The following TBCK variants were observed in gnomAD, a reference collection of about 807,000 sequenced individuals.
TBCK encodes TBC domain-containing protein kinase-like protein.
TBCK carries 99 observed loss-of-function variants against 113.4 expected under a neutral mutation model. That is an observed-to-expected ratio of 0.87 (90% confidence interval 0.74 to 1.03). TBCK has a LOEUF of 1.03. Among genes scored for constraint, TBCK ranks in the 50% least tolerant of loss-of-function variants. TBCK has a pLI of 0.00. For synonymous variants in TBCK, 369 were observed against 370.8 expected, an observed-to-expected ratio of 1.00 and a Z score of 0.05; for missense variants, 1,045 against 1,061.3, an observed-to-expected ratio of 0.98 and a Z score of 0.21.
chr4:106,229,358 T>C lies in TBCK; in HGVS notation c.1774+1005A>G, dbSNP rs542302363. ...GGAGAGCTTCCCCAGTGTTTTCTTA[T>C]AGTAGTTTCATAATTTGAGGTCTTA... On this transcript the variant is annotated intron_variant, in intron 19 of 25. Transcript: ENST00000394708. Among the ~76,000 whole-genome samples the C allele has an allele frequency of 1.2e-3, 178 of 152,216 alleles. 2 individuals are homozygous for C. Among genetic ancestry groups the C allele is most frequent in the African/African-American group, 3.9e-3 (164 of 41,582 alleles).
In TBCK at chr4:106,137,823, C is replaced by T. The variant is rs1283147620; in HGVS notation, c.2236-21445G>A. Among the ~76,000 whole-genome samples, 19 of 139,628 alleles carry T rather than the reference C, an allele frequency of 1.4e-4. 2 individuals are homozygous for T. Among genetic ancestry groups the T allele is most frequent in the South Asian group, 4.9e-4 (2 of 4,056 alleles). The allele number at this position is 139,628 out of a possible 152,430, so 91.6% of individuals were successfully genotyped here. On this transcript the variant is annotated intron_variant, in intron 23 of 25. Coordinates refer to ENST00000394708, the MANE Select transcript of TBCK (RefSeq NM_001163435.3). ...AGTGATTAGAGACTTTATGCTAAAACGTTCACAGATGTACTCTGGAAAAAT... is the reference window on the plus strand; with the variant it reads ...AGTGATTAGAGACTTTATGCTAAAATGTTCACAGATGTACTCTGGAAAAAT...
chr4:106,303,339 T>C (rs1182089847), intron 2 of TBCK, among the ~76,000 whole-genome samples: 4 of 152,186 alleles, frequency 2.6e-5, no homozygotes, highest in Admixed American at 2.0e-4. Flanking sequence ...AGCCCTTTTT[T>C]CTTTTTTTTC....
At chr4:106,246,270 G>A (rs946160855) in intron 10 of TBCK, among the ~76,000 whole-genome samples, 1 of 152,078 alleles carries the variant, frequency 6.6e-6, no homozygotes, top group African/African-American at 2.4e-5. Flanking sequence ...GATACAGTAT[G>A]TGACACATAC....
intron 23 of TBCK, among the ~76,000 whole-genome samples, chr4:106,117,109 T>C (rs754877047): frequency 2.6e-5 from 4 of 152,100 alleles, no homozygotes; most frequent in Non-Finnish European, 4.4e-5. Flanking sequence ...TTTACACTTA[T>C]AGGAAAGCAT....
intron 5 of TBCK, among the ~76,000 whole-genome samples, chr4:106,255,760 C>A (rs1472567655): frequency 6.6e-6 from 1 of 152,152 alleles, no homozygotes; most frequent in Non-Finnish European, 1.5e-5. Context: ...TTAGCTCTGA[C>A]ATTTGGCAGG....
intron 22 of TBCK, among the ~76,000 whole-genome samples, chr4:106,179,021 G>A (rs1404544410): frequency 2.0e-5 from 3 of 151,872 alleles, no homozygotes; most frequent in Non-Finnish European, 2.9e-5. Flanking sequence ...ACTTGTTAGT[G>A]TATAGTTGTT....
Position 106,045,683 on chromosome 4 carries a change from CTCCT to C in TBCK, c.*883_*886del, listed in dbSNP as rs1734157362. ...TTTCCTTTCTTTTCTTCTTTCCTCCCTCCTTCTTTTGTTCCTTCTTTTCTCTTCA... is the reference window on the plus strand; with the variant it reads ...TTTCCTTTCTTTTCTTCTTTCCTCCCTCTTTTGTTCCTTCTTTTCTCTTCA... On this transcript the variant is annotated 3_prime_UTR_variant, in exon 26 of 26. Transcript: ENST00000394708. The C allele has an allele frequency of 6.6e-6, 1 of 152,128 alleles. No homozygotes were observed. The highest frequency in any genetic ancestry group is 2.4e-5 in the African/African-American group (1 of 41,386). 9.4% of individuals were successfully genotyped at this position (152,128 alleles called of 1,614,324 possible).
chr4:106,178,885 C>CT (rs1205748477), intron 22 of TBCK, among the ~76,000 whole-genome samples: 1 of 151,712 alleles, frequency 6.6e-6, no homozygotes, highest in Non-Finnish European at 1.5e-5. Flanking sequence ...TGATGGGAGA[C>CT]TTTTTTATTA....
In TBCK at chr4:106,042,195, G is replaced by C. The variant is rs529860527; in HGVS notation, c.*4375C>G. The C allele has an allele frequency of 6.6e-6, 1 of 152,154 alleles. No homozygotes were observed. The highest frequency in any genetic ancestry group is 2.4e-5 in the African/African-American group (1 of 41,418). The allele number at this position is 152,154 out of a possible 1,614,324, so 9.4% of individuals were successfully genotyped here. A position where few individuals can be genotyped will look rare whatever the true frequency, so the allele number is the denominator to read the frequency against. ...TTAATCAACATTTATCAAGAAAAAT[G>C]CATTATTTGGTTAATAACAGCTATA... is the stretch of plus-strand genomic sequence containing the variant. On this transcript the variant is annotated 3_prime_UTR_variant, in exon 26 of 26. Transcript: ENST00000394708.
intron 19 of TBCK, 152 bp from the exon 20 acceptor site, chr4:106,212,987 A>C (rs1266175587): frequency 1.7e-6 from 1 of 579,050 alleles, no homozygotes; most frequent in Non-Finnish European, 3.1e-6. Context: ...TATTTTAATT[A>C]CTTACTGCTA....
chr4:106,153,194 A>T (rs1332071334), intron 23 of TBCK, among the ~76,000 whole-genome samples: 1 of 151,938 alleles, frequency 6.6e-6, no homozygotes, highest in Non-Finnish European at 1.5e-5. Context: ...TGATGTAGGC[A>T]CTTATAGCTA....
In TBCK at chr4:106,067,334, G is replaced by A. The variant is rs141534732; in HGVS notation, c.2572-20654C>T. ...CCATTTCTTAATATCGTTGTCTGTT[G>A]TTGAGCTGTAGGAGTTGTTAGTGAA... On this transcript the variant is annotated intron_variant, in intron 25 of 25. Transcript: ENST00000394708. Among the ~76,000 whole-genome samples, 230 of 152,152 alleles carry A rather than the reference G, an allele frequency of 1.5e-3. 1 individual carries two copies. The highest frequency in any genetic ancestry group is 5.4e-3 in the African/African-American group (224 of 41,512).
At chr4:106,079,674 G>A (rs1273143909) in intron 25 of TBCK, among the ~76,000 whole-genome samples, 1 of 152,080 alleles carries the variant, frequency 6.6e-6, no homozygotes, top group Non-Finnish European at 1.5e-5. Context: ...TAAACAAATG[G>A]AAAAATGTTC....
At chr4:106,107,510 A>G (rs1353450121) in intron 24 of TBCK, among the ~76,000 whole-genome samples, 1 of 152,232 alleles carries the variant, frequency 6.6e-6, no homozygotes, top group East Asian at 1.9e-4. Flanking sequence ...ATTACATAGA[A>G]ATTAAACAAC....
At chr4:106,136,226 A>G (rs112654327) in intron 23 of TBCK, among the ~76,000 whole-genome samples, 3 of 138,216 alleles carry the variant, frequency 2.2e-5, no homozygotes, top group African/African-American at 7.6e-5. Flanking sequence ...CATCTACAGT[A>G]AACAGAAGGT....
chr4:106,299,212 T>C (rs555821561), intron 2 of TBCK, among the ~76,000 whole-genome samples: 2 of 152,318 alleles, frequency 1.3e-5, no homozygotes, highest in East Asian at 1.9e-4. Context: ...GAATTAACTT[T>C]AGCAAAGGCA....
rs1734206407 is a variant in TBCK at position 106,046,228 on chromosome 4, A to C, written c.*342T>G. On this transcript the variant is annotated 3_prime_UTR_variant, in exon 26 of 26. Transcript: ENST00000394708. ...ACACAATCGACAGGACTGTCTGTTC[A>C]GTACAATGGAGGACAGCTTTTTCAG... 2 of 185,720 alleles carry C rather than the reference A, an allele frequency of 1.1e-5. No individual in the cohort carries two copies. Among genetic ancestry groups the C allele is most frequent in the South Asian group, 2.6e-4 (2 of 7,724 alleles). The allele number at this position is 185,720 out of a possible 1,614,324, so 11.5% of individuals were successfully genotyped here.
chr4:106,204,572 T>C (rs1755236695), intron 20 of TBCK, among the ~76,000 whole-genome samples: 1 of 152,178 alleles, frequency 6.6e-6, no homozygotes, highest in East Asian at 1.9e-4. Context: ...TAAAAATTAT[T>C]AAATTTATTA....
chr4:106,091,936 G>C (rs944480140), intron 25 of TBCK, among the ~76,000 whole-genome samples: 2 of 152,160 alleles, frequency 1.3e-5, no homozygotes, highest in African/African-American at 2.4e-5. Flanking sequence ...ACAGGGTGCT[G>C]ATTAGTGCAT....
Sources: allele counts gnomAD v4.1 joint callset (sites outside exome capture counted in the v4.1 genomes callset), GRCh38; gene constraint gnomAD v4.1.1; transcripts MANE v1.5; gene names NCBI Gene and HGNC (gene_info 2026-07-23, HGNC 2026-07-21).